Variants in NALCN observed in about 807,000 individuals in gnomAD.
NALCN encodes sodium leak channel, non-selective, also known as sodium leak channel NALCN.
Under a neutral mutation model 225.3 loss-of-function variants are expected in NALCN, and 111 were observed. The observed-to-expected ratio is 0.49, with a 90% CI of 0.42 to 0.58. The LOEUF (loss-of-function observed/expected upper bound fraction) is 0.58. Ranked by LOEUF, NALCN falls within the 20% of genes least tolerant of loss-of-function variation. NALCN has a pLI of 0.00. For synonymous variants in NALCN, 764 were observed against 769.0 expected (o/e 0.99, Z 0.11); for missense variants, 1,378 against 2,202.4 (o/e 0.63, Z 7.49).
At chr13:101,058,128 G>T in intron 42 of NALCN, 72 bp from the exon 43 acceptor site, 1 of 1,296,400 alleles carries the variant, frequency 7.7e-7, no homozygotes, top group Non-Finnish European at 1.1e-6. Context: ...TATAAGAAAG[G>T]AAAACACATG....
chr13:101,272,172 G>A (rs1447088707), intron 10 of NALCN, among the ~76,000 whole-genome samples: 1 of 152,132 alleles, frequency 6.6e-6, no homozygotes, highest in African/African-American at 2.4e-5. Flanking sequence ...GTATGAGTGT[G>A]TGTGTGTACA....
At chr13:101,334,552 A>C (rs1283993212) in intron 7 of NALCN, among the ~76,000 whole-genome samples, 2 of 152,040 alleles carry the variant, frequency 1.3e-5, no homozygotes, top group Non-Finnish European at 2.9e-5. Context: ...TTTTTCTTCA[A>C]TATTTATGCA....
At chr13:101,261,422 A>G (rs550353951) in intron 10 of NALCN, among the ~76,000 whole-genome samples, 1 of 152,282 alleles carries the variant, frequency 6.6e-6, no homozygotes, top group African/African-American at 2.4e-5. Context: ...ATTCAATTGC[A>G]TCTGTAGACT....
chr13:101,191,964 G>C lies in NALCN; in HGVS notation c.1717C>G (p.Pro573Ala), dbSNP rs2039700087. The C allele has an allele frequency of 1.9e-6, 3 of 1,608,778 alleles. No homozygotes were observed. ...TLNAVGHMWA[P>A]VVAIYFILYH... ...AGAATGAAATAGATGGCAACCACGG[G>C]TGCCCACATATGTCCCACAGCATTT... Residue 573 changes from proline (P) to alanine (A), a missense_variant, in exon 14 of 44, where the codon CCC becomes GCC. By Grantham distance (27) the Pro-to-Ala change is conservative. Coordinates refer to ENST00000251127, the MANE Select transcript of NALCN (RefSeq NM_052867.4).
At chr13:101,346,562 A>T (rs1014375816) in intron 6 of NALCN, among the ~76,000 whole-genome samples, 4 of 152,196 alleles carry the variant, frequency 2.6e-5, no homozygotes. Flanking sequence ...AACTCAAGGT[A>T]TCCCATAGGA....
intron 6 of NALCN, among the ~76,000 whole-genome samples, chr13:101,369,553 C>A (rs531228475): frequency 6.6e-6 from 1 of 152,252 alleles, no homozygotes; most frequent in South Asian, 2.1e-4. Context: ...AGCATAATGC[C>A]TGATCTTCTA....
intron 7 of NALCN, among the ~76,000 whole-genome samples, chr13:101,304,701 G>C (rs1294117935): frequency 2.0e-5 from 3 of 151,730 alleles, no homozygotes; most frequent in African/African-American, 7.3e-5. Flanking sequence ...GCCACCTAAA[G>C]TGTTGGGATT....
intron 17 of NALCN, among the ~76,000 whole-genome samples, chr13:101,130,237 A>G (rs2036450155): frequency 6.6e-6 from 1 of 152,116 alleles, no homozygotes; most frequent in Admixed American, 6.5e-5. Flanking sequence ...ACTCAGTTTT[A>G]TTTCACATTT....
intron 17 of NALCN, among the ~76,000 whole-genome samples, chr13:101,128,673 T>G (rs2139718398): frequency 6.6e-6 from 1 of 152,238 alleles, no homozygotes; most frequent in Non-Finnish European, 1.5e-5. Flanking sequence ...TCCTCCTGTC[T>G]CAGCCTTCTG....
chr13:101,228,903 T>C (rs2041245565), intron 13 of NALCN, among the ~76,000 whole-genome samples: 1 of 152,210 alleles, frequency 6.6e-6, no homozygotes, highest in South Asian at 2.1e-4. Flanking sequence ...ATTTCTAACT[T>C]CCTTTTTAGC....
chr13:101,158,060 C>T lies in NALCN; in HGVS notation c.1840-13164G>A, dbSNP rs115137558. Among the ~76,000 whole-genome samples the T allele has an allele frequency of 9.7e-3, 1,481 of 152,172 alleles. 25 individuals carry two copies. The highest frequency in any genetic ancestry group is 0.034 in the African/African-American group (1,418 of 41,514). ...CAACCAACTGTCTTTTCTTTCATTG[C>T]TCCACATCTTCTTCTTTTGGGTGTA... is the stretch of plus-strand genomic sequence containing the variant. On this transcript the variant is annotated intron_variant, in intron 15 of 43. Transcript: ENST00000251127.
chr13:101,092,089 C>T (rs2034263746), intron 28 of NALCN, among the ~76,000 whole-genome samples: 1 of 151,726 alleles, frequency 6.6e-6, no homozygotes, highest in Non-Finnish European at 1.5e-5. Context: ...TCATTTTTAC[C>T]TGCTACCCTT....
chr13:101,079,789 C>T (rs1161051511), intron 34 of NALCN, among the ~76,000 whole-genome samples: 2 of 152,292 alleles, frequency 1.3e-5, no homozygotes, highest in East Asian at 3.9e-4. Flanking sequence ...TGACTGAGAG[C>T]TCACCTAGGC....
rs140842822 is a variant in NALCN at position 101,351,811 on chromosome 13, C to T, written c.645-6391G>A. Among the ~76,000 whole-genome samples the T allele has an allele frequency of 3.5e-3, 532 of 152,270 alleles. 2 individuals carry two copies. The highest frequency in any genetic ancestry group is 7.1e-3 in the Admixed American group (109 of 15,288). On this transcript the variant is annotated intron_variant, in intron 6 of 43. Coordinates refer to ENST00000251127, the MANE Select transcript of NALCN (RefSeq NM_052867.4). ...CATATGCTTCACTGTGCATAGTTCTCCTCTCACCACAAGACTCACCAACGA... is the reference window on the plus strand; with the variant it reads ...CATATGCTTCACTGTGCATAGTTCTTCTCTCACCACAAGACTCACCAACGA...
intron 10 of NALCN, among the ~76,000 whole-genome samples, chr13:101,281,713 G>C (rs916964117): frequency 1.3e-5 from 2 of 152,016 alleles, no homozygotes; most frequent in Admixed American, 6.6e-5. Flanking sequence ...GGGGAAAATT[G>C]GAACACCATA....
chr13:101,136,856 C>G lies in NALCN; in HGVS notation c.2118+6224G>C, dbSNP rs112891790. ...GGCTGGGTCAAATGTATTTCTAGTT[C>G]TAGATCCTTGAGGAATAGCACGCTG... On this transcript the variant is annotated intron_variant, in intron 17 of 43. Transcript: ENST00000251127. Among the ~76,000 whole-genome samples the G allele has an allele frequency of 5.5e-3, 837 of 152,272 alleles. 15 individuals carry two copies. The highest frequency in any genetic ancestry group is 0.019 in the African/African-American group (797 of 41,558).
At chr13:101,100,207 G>A (rs1186513187) in intron 27 of NALCN, among the ~76,000 whole-genome samples, 2 of 152,126 alleles carry the variant, frequency 1.3e-5, no homozygotes, top group African/African-American at 2.4e-5. Context: ...AGAACCAAAC[G>A]CTGCTTCTTG....
chr13:101,118,989 T>C (rs1035072667), intron 18 of NALCN, among the ~76,000 whole-genome samples: 1 of 152,212 alleles, frequency 6.6e-6, no homozygotes, highest in Non-Finnish European at 1.5e-5. Flanking sequence ...TTATCCAAAG[T>C]TGCTGAATAG....
chr13:101,061,804 G>A (rs2031960418), intron 41 of NALCN, among the ~76,000 whole-genome samples, 164 bp downstream of exon 41: 1 of 152,182 alleles, frequency 6.6e-6, no homozygotes, highest in Non-Finnish European at 1.5e-5. Flanking sequence ...TCTGCATCAT[G>A]ATCTGACCAC....
Sources: gnomAD v4.1 joint callset for allele counts (sites outside exome capture counted in the v4.1 genomes callset) on GRCh38, gnomAD v4.1.1 for gene constraint, MANE v1.5 for transcripts, NCBI Gene and HGNC (gene_info 2026-07-23, HGNC 2026-07-21) for gene names.